CTNNA2: variants seen among roughly 807,000 people sequenced by gnomAD.
CTNNA2 encodes catenin alpha-2.
CTNNA2 carries 42 observed loss-of-function variants against 101.0 expected under a neutral mutation model. That is an observed-to-expected ratio of 0.42 (90% confidence interval 0.32 to 0.54). The LOEUF is 0.54. Among genes scored for constraint, CTNNA2 ranks in the 20% least tolerant of loss-of-function variants. The pLI, the probability that CTNNA2 is intolerant of heterozygous loss-of-function variation, is 0.14. For synonymous variants in CTNNA2, 450 were observed against 456.4 expected, an observed-to-expected ratio of 0.99 and a Z score of 0.18; for missense variants, 871 against 1,223.1, an observed-to-expected ratio of 0.71 and a Z score of 4.29.
At chr2:79,754,241 T>C (rs1573881416) in intron 3 of CTNNA2, among the ~76,000 whole-genome samples, 1 of 152,254 alleles carries the variant, frequency 6.6e-6, no homozygotes, top group South Asian at 2.1e-4. Flanking sequence ...AGAGCAAGAC[T>C]GAGAAAACAT....
intron 2 of CTNNA2, among the ~76,000 whole-genome samples, chr2:79,226,897 C>T (rs1674423291): frequency 6.6e-6 from 1 of 151,978 alleles, no homozygotes; most frequent in Non-Finnish European, 1.5e-5. Flanking sequence ...GAATTTGTAT[C>T]CCAAGGCGCT....
intron 3 of CTNNA2, among the ~76,000 whole-genome samples, chr2:79,373,430 C>T (rs1677916278): frequency 6.6e-6 from 1 of 152,168 alleles, no homozygotes; most frequent in Non-Finnish European, 1.5e-5. Flanking sequence ...TGATTCATAC[C>T]TGCAGAAGAA....
intron 1 of CTNNA2, among the ~76,000 whole-genome samples, chr2:79,591,016 A>G (rs1002076925): frequency 2.6e-5 from 4 of 152,080 alleles, no homozygotes; most frequent in Non-Finnish European, 4.4e-5. Flanking sequence ...TTCTCTTATA[A>G]TGTATTTTAT....
intron 7 of CTNNA2, among the ~76,000 whole-genome samples, chr2:80,137,308 G>C (rs1370154849): frequency 2.0e-5 from 3 of 152,112 alleles, no homozygotes; most frequent in African/African-American, 7.2e-5. Flanking sequence ...ATAGGCAATT[G>C]AATTTGGCTC....
intron 7 of CTNNA2, among the ~76,000 whole-genome samples, chr2:79,956,344 C>T (rs1312415913): frequency 2.0e-5 from 3 of 151,866 alleles, no homozygotes; most frequent in Admixed American, 6.6e-5. Flanking sequence ...ATGAATTTTG[C>T]GATTATAAAC....
At chr2:79,296,272 A>C (rs1675977991) in intron 2 of CTNNA2, among the ~76,000 whole-genome samples, 1 of 152,194 alleles carries the variant, frequency 6.6e-6, no homozygotes, top group South Asian at 2.1e-4. Flanking sequence ...CAAATTATCT[A>C]ACTCTTGAAT....
At chr2:80,248,495 G>C (rs1671511963) in intron 7 of CTNNA2, among the ~76,000 whole-genome samples, 2 of 152,264 alleles carry the variant, frequency 1.3e-5, no homozygotes, top group South Asian at 4.1e-4. Flanking sequence ...TATTTCTCCA[G>C]ATTCGTTGCA....
intron 4 of CTNNA2, among the ~76,000 whole-genome samples, chr2:79,475,679 C>CA (rs10626335): frequency 2.0e-5 from 3 of 149,794 alleles, no homozygotes; most frequent in African/African-American, 4.9e-5. Flanking sequence ...TCTTTGAATA[C>CA]TTTTTTTTTT....
At chr2:79,970,020 A>AT (rs1574436991) in intron 7 of CTNNA2, among the ~76,000 whole-genome samples, 2 of 152,190 alleles carry the variant, frequency 1.3e-5, no homozygotes, top group East Asian at 3.9e-4. Flanking sequence ...AGCGACTGAT[A>AT]TTCTACTGTT....
intron 2 of CTNNA2, among the ~76,000 whole-genome samples, chr2:79,664,208 C>A (rs1682237696): frequency 6.6e-6 from 1 of 152,142 alleles, no homozygotes; most frequent in South Asian, 2.1e-4. Context: ...TCCACATAGA[C>A]AAAATTAATG....
At chr2:80,565,536 T>TG (rs1693980257) in intron 12 of CTNNA2, among the ~76,000 whole-genome samples, 1 of 151,782 alleles carries the variant, frequency 6.6e-6, no homozygotes, top group African/African-American at 2.4e-5. Flanking sequence ...TTTTTTTCCA[T>TG]GGTGAATCGT....
At chr2:79,531,866 G>C (rs939801783) in intron 1 of CTNNA2, among the ~76,000 whole-genome samples, 3 of 152,016 alleles carry the variant, frequency 2.0e-5, no homozygotes, top group African/African-American at 7.2e-5. Flanking sequence ...ATTTTTAGCA[G>C]AGACGGGGTT....
At chr2:79,347,982 G>C (rs726237) in intron 3 of CTNNA2, among the ~76,000 whole-genome samples, 71,159 of 151,638 alleles carry the variant, frequency 0.47, 17,101 homozygotes, top group East Asian at 0.71. Context: ...GATCCAGAGA[G>C]AAGAACAGTT....
chr2:80,246,713 G>C (rs1284448246), intron 7 of CTNNA2, among the ~76,000 whole-genome samples: 2 of 152,294 alleles, frequency 1.3e-5, no homozygotes, highest in East Asian at 3.9e-4. Context: ...GGGTGCATTA[G>C]GCATGATGCT....
chr2:80,616,430 A>G (rs1160484659), intron 17 of CTNNA2: 2 of 151,734 alleles, frequency 1.3e-5, no homozygotes, highest in African/African-American at 4.8e-5. Flanking sequence ...CTTGTCTTCC[A>G]TGATGAATGC....
intron 4 of CTNNA2, among the ~76,000 whole-genome samples, chr2:79,396,446 T>G (rs1374703071): frequency 6.6e-6 from 1 of 152,012 alleles, no homozygotes; most frequent in Admixed American, 6.6e-5. Flanking sequence ...AGCATTGAAT[T>G]TTTCTTTTAT....
chr2:79,355,637 G>T (rs1223834589), intron 3 of CTNNA2, among the ~76,000 whole-genome samples: 2 of 152,114 alleles, frequency 1.3e-5, no homozygotes, highest in Non-Finnish European at 2.9e-5. Flanking sequence ...CCTCTAATCT[G>T]CTTTCTGTGT....
At chr2:80,162,578 C>T in intron 7 of CTNNA2, 1 of 1,610,176 alleles carries the variant, frequency 6.2e-7, no homozygotes, top group South Asian at 1.1e-5. Flanking sequence ...GATGGTCAGA[C>T]CCATGATCAG....
chr2:79,826,844 G>A (rs542311734), intron 3 of CTNNA2, among the ~76,000 whole-genome samples: 3 of 152,266 alleles, frequency 2.0e-5, no homozygotes, highest in South Asian at 4.1e-4. Flanking sequence ...GGCTTAAAGA[G>A]TGGTATAATT....
Sources: allele counts gnomAD v4.1 joint callset (sites outside exome capture counted in the v4.1 genomes callset), GRCh38; gene constraint gnomAD v4.1.1; transcripts MANE v1.5; gene names NCBI Gene and HGNC (gene_info 2026-07-23, HGNC 2026-07-21).